SRBD1: variants seen among roughly 807,000 people sequenced by gnomAD.
SRBD1 encodes S1 RNA-binding domain-containing protein 1.
A neutral mutation model predicts 115.3 loss-of-function variants in SRBD1; 88 were observed. The ratio of observed to expected loss-of-function variants is 0.76; its 90% CI spans 0.64 to 0.91. SRBD1 has a LOEUF of 0.91. SRBD1 is among the 40% of genes least tolerant of loss of function. SRBD1 has a pLI of 0.00. For synonymous variants in SRBD1, 509 were observed against 407.7 expected (o/e 1.25, Z -2.99); for missense variants, 1,385 against 1,177.4 (o/e 1.18, Z -2.58).
At chr2:45,537,572 G>A (rs1309827988) in intron 14 of SRBD1, among the ~76,000 whole-genome samples, 1 of 152,182 alleles carries the variant, frequency 6.6e-6, no homozygotes, top group Non-Finnish European at 1.5e-5. Context: ...TCAAAGGCCT[G>A]TTTTGCCAAC....
At chr2:45,401,832 A>G (rs1385839193) in intron 19 of SRBD1, among the ~76,000 whole-genome samples, 3 of 152,186 alleles carry the variant, frequency 2.0e-5, no homozygotes, top group Non-Finnish European at 4.4e-5. Flanking sequence ...TGAAGAGTCA[A>G]TGGTTGCTGT....
At chr2:45,476,528 C>G (rs956703134) in intron 16 of SRBD1, among the ~76,000 whole-genome samples, 1 of 152,142 alleles carries the variant, frequency 6.6e-6, no homozygotes, top group South Asian at 2.1e-4. Context: ...GCCCAATGAA[C>G]ACATACAACC....
intron 16 of SRBD1, among the ~76,000 whole-genome samples, chr2:45,437,531 G>T (rs565942986): frequency 4.6e-5 from 7 of 152,238 alleles, no homozygotes; most frequent in South Asian, 2.1e-4. Context: ...AATAATGAAT[G>T]TAGACACAGA....
intron 16 of SRBD1, among the ~76,000 whole-genome samples, chr2:45,472,325 G>A (rs923048607): frequency 3.9e-5 from 6 of 152,122 alleles, no homozygotes; most frequent in East Asian, 3.8e-4. Flanking sequence ...AAAGGACAAC[G>A]GAGAATGACT....
intron 14 of SRBD1, among the ~76,000 whole-genome samples, chr2:45,506,195 G>T (rs1670792140): frequency 6.6e-6 from 1 of 152,122 alleles, no homozygotes; most frequent in Non-Finnish European, 1.5e-5. Flanking sequence ...GGTTCACTCA[G>T]ATGAGCAGTA....
chr2:45,428,221 G>C (rs1553329710), intron 16 of SRBD1, among the ~76,000 whole-genome samples: 2 of 152,166 alleles, frequency 1.3e-5, no homozygotes, highest in African/African-American at 2.4e-5. Context: ...CAACTACATG[G>C]AAACTGAACA....
intron 16 of SRBD1, among the ~76,000 whole-genome samples, chr2:45,429,759 C>G (rs1668274497): frequency 6.6e-6 from 1 of 152,328 alleles, no homozygotes; most frequent in South Asian, 2.1e-4. Flanking sequence ...CTCACCACTC[C>G]TATTCAACAT....
At chr2:45,509,046 C>T (rs1670882259) in intron 14 of SRBD1, among the ~76,000 whole-genome samples, 1 of 152,054 alleles carries the variant, frequency 6.6e-6, no homozygotes, top group African/African-American at 2.4e-5. Context: ...GACATGACCA[C>T]CAAATCCATT....
At chr2:45,424,448 A>G (rs1668093829) in intron 16 of SRBD1, among the ~76,000 whole-genome samples, 1 of 152,182 alleles carries the variant, frequency 6.6e-6, no homozygotes, top group African/African-American at 2.4e-5. Context: ...CATGTACTAT[A>G]TATGCTCATA....
At position 45,450,630 on chromosome 2, in the gene SRBD1, G is replaced by A. The variant is rs139288331; in HGVS notation, c.2049+26363C>T. Among the ~76,000 whole-genome samples the A allele has an allele frequency of 3.2e-3, 484 of 152,182 alleles. 1 individual carries two copies. The highest frequency in any genetic ancestry group is 8.4e-3 in the Admixed American group (129 of 15,278). ...AGGGAACAAGAGAATGACTATATAC[G>A]TCAATTAAAGCAATTACAGAACAGA... On this transcript the variant is annotated intron_variant, in intron 16 of 20. Transcript: ENST00000263736.
At chr2:45,607,464 T>G (rs975635090) in intron 1 of SRBD1, among the ~76,000 whole-genome samples, 6 of 152,162 alleles carry the variant, frequency 3.9e-5, no homozygotes, top group East Asian at 1.9e-4. Flanking sequence ...GGTGATTCTT[T>G]TCACACTATT....
chr2:45,396,608 T>C (rs1016595831), intron 19 of SRBD1, among the ~76,000 whole-genome samples: 2 of 152,212 alleles, frequency 1.3e-5, no homozygotes, highest in African/African-American at 4.8e-5. Flanking sequence ...GCAGAGTTAA[T>C]GCTTATTTTT....
rs572931737 is a variant in SRBD1 at position 45,582,021 on chromosome 2, C to A, written c.816-211G>T. 2.6e-5 allele frequency among the ~76,000 whole-genome samples: 4 copies of A among 152,308 alleles called. No homozygotes were observed. In the South Asian group the frequency reaches 8.3e-4, roughly 32 times the overall value. Reference sequence around the variant, plus strand: ...TTCTACATAACCACAAAATAACCATCATTATCAGGTAATTAACACTAATAT... The same window carrying A: ...TTCTACATAACCACAAAATAACCATAATTATCAGGTAATTAACACTAATAT... On this transcript the variant is annotated intron_variant, in intron 5 of 20. Transcript: ENST00000263736.
intron 19 of SRBD1, among the ~76,000 whole-genome samples, chr2:45,409,445 C>G (rs192114478): frequency 1.4e-5 from 2 of 139,490 alleles, no homozygotes; most frequent in Non-Finnish European, 3.0e-5. Context: ...AAGTTGAGAA[C>G]AAGACAAGGA....
chr2:45,516,259 A>T (rs1671115298), intron 14 of SRBD1, among the ~76,000 whole-genome samples: 1 of 152,210 alleles, frequency 6.6e-6, no homozygotes. Flanking sequence ...ACAGTACACT[A>T]TTACTTTTCG....
chr2:45,550,548 G>C (rs1425525177), intron 12 of SRBD1, among the ~76,000 whole-genome samples: 2 of 148,822 alleles, frequency 1.3e-5, no homozygotes, highest in Non-Finnish European at 3.0e-5. Context: ...TGCCAATCTT[G>C]AATTCTACAC....
At chr2:45,415,057 CAT>C (rs1408499469) in intron 18 of SRBD1, among the ~76,000 whole-genome samples, 5 of 14,616 alleles carry the variant, frequency 3.4e-4, no homozygotes, top group Non-Finnish European at 4.9e-4. Context: ...TATATACACA[CAT>C]ATAGTGTGTA....
At chr2:45,429,991 C>T (rs757117914) in intron 16 of SRBD1, among the ~76,000 whole-genome samples, 8 of 152,116 alleles carry the variant, frequency 5.3e-5, no homozygotes, top group Non-Finnish European at 8.8e-5. Flanking sequence ...CTCCTATACA[C>T]CAATAATAGA....
intron 18 of SRBD1, among the ~76,000 whole-genome samples, chr2:45,414,851 G>A (rs1416220033): frequency 1.4e-5 from 2 of 144,506 alleles, no homozygotes; most frequent in Admixed American, 1.3e-4. Flanking sequence ...CACATATAGT[G>A]TGTATATAGT....
Sources: allele counts gnomAD v4.1 joint callset (sites outside exome capture counted in the v4.1 genomes callset), GRCh38; gene constraint gnomAD v4.1.1; transcripts MANE v1.5; gene names NCBI Gene and HGNC (gene_info 2026-07-23, HGNC 2026-07-21).